The following OR2L13 variants were observed in gnomAD, a reference collection of about 807,000 sequenced individuals.
OR2L13 encodes olfactory receptor 2L13.
A neutral mutation model predicts 15.3 loss-of-function variants in OR2L13; 14 were observed. That is an observed-to-expected ratio of 0.91 (90% CI 0.60 to 1.43). OR2L13 has a LOEUF of 1.43. OR2L13 is among the 40% of genes most tolerant of loss of function. OR2L13 has a pLI of 0.00. For synonymous variants in OR2L13, 152 were observed against 142.9 expected (o/e 1.06, Z -0.45); for missense variants, 367 against 387.9 (o/e 0.95, Z 0.45).
At chr1:248,069,169 T>C in the OR2L13 span, among the ~76,000 whole-genome samples, 1 of 152,034 alleles carries the variant, frequency 6.6e-6, no homozygotes, top group African/African-American at 2.4e-5. Context: ...AGACACATAA[T>C]TGTCAGATTC....
At chr1:247,963,982 T>A in the OR2L13 span, among the ~76,000 whole-genome samples, 2 of 152,212 alleles carry the variant, frequency 1.3e-5, no homozygotes, top group African/African-American at 4.8e-5. Flanking sequence ...GTTCAGGATA[T>A]AGACCAATGT....
At chr1:248,033,943 C>T in the OR2L13 span, among the ~76,000 whole-genome samples, 11 of 152,196 alleles carry the variant, frequency 7.2e-5, no homozygotes, top group South Asian at 2.3e-3. Context: ...CCAAACTGTC[C>T]CTCTTTGCTT....
chr1:248,026,080 C>T, the OR2L13 span, among the ~76,000 whole-genome samples: 173 of 152,130 alleles, frequency 1.1e-3, no homozygotes, highest in African/African-American at 4.0e-3. Context: ...CACATGTACC[C>T]TATAACTTAA....
At chr1:248,091,095 A>G (rs534378885), upstream of OR2L13, among the ~76,000 whole-genome samples, 1 of 152,218 alleles carries the variant, frequency 6.6e-6, no homozygotes, top group Admixed American at 6.5e-5. Flanking sequence ...TTTTGAAAAG[A>G]GTCTACTAAT....
the OR2L13 span, among the ~76,000 whole-genome samples, chr1:248,013,282 G>A: frequency 0.034 from 5,247 of 152,176 alleles, 113 homozygotes; most frequent in Middle Eastern, 0.054. Flanking sequence ...AACATAAAAA[G>A]TGTAGGATTT....
At chr1:248,002,381 T>C in the OR2L13 span, among the ~76,000 whole-genome samples, 2 of 152,190 alleles carry the variant, frequency 1.3e-5, no homozygotes, top group African/African-American at 2.4e-5. Flanking sequence ...AATTTCATTG[T>C]CTCCAACTAA....
chr1:248,076,175 C>A, the OR2L13 span, among the ~76,000 whole-genome samples: 1 of 152,132 alleles, frequency 6.6e-6, no homozygotes, highest in Non-Finnish European at 1.5e-5. Context: ...GGCATTATTT[C>A]TGAGACCTCT....
exon 3 of OR2L13, chr1:248,099,836 A>T: frequency 6.2e-7 from 1 of 1,613,526 alleles, no homozygotes; most frequent in Non-Finnish European, 8.5e-7. Context: ...GGGTCCATCA[A>T]CTCCTTGGCA....
the OR2L13 span, among the ~76,000 whole-genome samples, chr1:248,034,641 G>C: frequency 0.021 from 3,162 of 152,142 alleles, 118 homozygotes; most frequent in African/African-American, 0.072. Context: ...TGTCTTCTTT[G>C]ATTGTTCTAA....
chr1:248,058,354 C>G, the OR2L13 span, among the ~76,000 whole-genome samples: 3 of 152,082 alleles, frequency 2.0e-5, no homozygotes, highest in Admixed American at 1.3e-4. Flanking sequence ...ATACAGACCC[C>G]CATGGATAGT....
At chr1:248,025,975 G>A in the OR2L13 span, among the ~76,000 whole-genome samples, 1 of 151,904 alleles carries the variant, frequency 6.6e-6, no homozygotes, top group Admixed American at 6.6e-5. Context: ...GGGAAGGATA[G>A]CATAGGAGAT....
chr1:247,943,058 C>A, the OR2L13 span, among the ~76,000 whole-genome samples: 1 of 152,142 alleles, frequency 6.6e-6, no homozygotes, highest in East Asian at 1.9e-4. Context: ...AAAATGTCTT[C>A]TCTTTTTAAA....
the OR2L13 span, among the ~76,000 whole-genome samples, chr1:247,991,414 C>T: frequency 1.8e-4 from 27 of 149,174 alleles, 4 homozygotes; most frequent in African/African-American, 5.5e-4. Flanking sequence ...AAAGATAGAT[C>T]GTATATTCAT....
At chr1:247,940,081 G>A in the OR2L13 span, among the ~76,000 whole-genome samples, 3 of 152,042 alleles carry the variant, frequency 2.0e-5, no homozygotes, top group Non-Finnish European at 2.9e-5. Context: ...TCATTGAATG[G>A]TTTGTTTTGA....
chr1:248,075,952 G>T, the OR2L13 span, among the ~76,000 whole-genome samples: 1 of 152,112 alleles, frequency 6.6e-6, no homozygotes, highest in Non-Finnish European at 1.5e-5. Context: ...GTATTGCCTA[G>T]GTTTTCTTCT....
the OR2L13 span, among the ~76,000 whole-genome samples, chr1:247,986,743 A>G: frequency 6.6e-6 from 1 of 152,190 alleles, no homozygotes; most frequent in Non-Finnish European, 1.5e-5. Context: ...CCTACCCATG[A>G]GCATGGAATG....
chr1:248,000,798 A>G, the OR2L13 span, among the ~76,000 whole-genome samples: 1 of 152,138 alleles, frequency 6.6e-6, no homozygotes, highest in East Asian at 1.9e-4. Context: ...GTACATTAAA[A>G]ACAGGTGATA....
the OR2L13 span, among the ~76,000 whole-genome samples, chr1:247,961,066 C>T: frequency 2.0e-5 from 3 of 152,266 alleles, no homozygotes; most frequent in South Asian, 2.1e-4. Flanking sequence ...TGTTCCTATT[C>T]GGCCATCTTG....
chr1:248,038,649 C>A, the OR2L13 span: 1 of 1,614,178 alleles, frequency 6.2e-7, no homozygotes, highest in South Asian at 1.1e-5. Context: ...CATTTGCTTT[C>A]CTCTCCACTA....
Sources: allele counts gnomAD v4.1 joint callset (sites outside exome capture counted in the v4.1 genomes callset), GRCh38; gene constraint gnomAD v4.1.1; transcripts MANE v1.5; gene names NCBI Gene and HGNC (gene_info 2026-07-23, HGNC 2026-07-21).